DOCK5: variants seen among roughly 807,000 people sequenced by gnomAD.
DOCK5 encodes the protein dedicator of cytokinesis protein 5.
Under a neutral mutation model 251.8 loss-of-function variants are expected in DOCK5, and 142 were observed. That is an observed-to-expected ratio of 0.56 (90% CI 0.49 to 0.65). The LOEUF (loss-of-function observed/expected upper bound fraction) is 0.65, where lower values mean the gene tolerates loss of function less well. DOCK5 is among the 30% of genes least tolerant of loss of function. The probability of loss-of-function intolerance (pLI) is 0.00; values close to 1 mark genes in which losing one functional copy is unlikely to be tolerated. For missense variants in DOCK5, 2,111 were observed against 2,312.3 expected (o/e 0.91, Z 1.79); for synonymous variants, 842 against 835.5 (o/e 1.01, Z -0.13).
At chr8:25,203,571 T>A (rs1801930049) in intron 1 of DOCK5, among the ~76,000 whole-genome samples, 1 of 152,186 alleles carries the variant, frequency 6.6e-6, no homozygotes, top group Admixed American at 6.5e-5. Context: ...ATGACTTATT[T>A]CAAAAACAAA....
chr8:25,187,364 TTGTGTGTG>T (rs34685735), intron 1 of DOCK5, among the ~76,000 whole-genome samples: 117 of 136,610 alleles, frequency 8.6e-4, no homozygotes, highest in African/African-American at 2.8e-3. Context: ...TGGGTGGAAA[TTGTGTGTG>T]TGTGTGTGTG....
At chr8:25,335,560 CTAT>C (rs953755774) in intron 21 of DOCK5, among the ~76,000 whole-genome samples, 2 of 151,260 alleles carry the variant, frequency 1.3e-5, no homozygotes, top group African/African-American at 2.4e-5. Flanking sequence ...TTGTATATAA[CTAT>C]TATTATTATT....
At chr8:25,401,777 A>T (rs936025389) in intron 47 of DOCK5, among the ~76,000 whole-genome samples, 2 of 152,136 alleles carry the variant, frequency 1.3e-5, no homozygotes, top group Admixed American at 6.5e-5. Flanking sequence ...AAGTTTTCTG[A>T]ATCCTAGACA....
At chr8:25,302,206 C>T (rs1804784619) in intron 9 of DOCK5, 119 bp from the exon 10 acceptor site, 4 of 1,267,656 alleles carry the variant, frequency 3.2e-6, no homozygotes, top group Non-Finnish European at 4.1e-6. Context: ...CGTTCTAATA[C>T]TTCAGCATTG....
intron 15 of DOCK5, among the ~76,000 whole-genome samples, chr8:25,320,302 C>A (rs573027286): frequency 6.6e-6 from 1 of 152,304 alleles, no homozygotes; most frequent in South Asian, 2.1e-4. Context: ...TTTTTAATTG[C>A]ATTCATATAT....
At chr8:25,364,469 C>T (rs116213891) in intron 29 of DOCK5, among the ~76,000 whole-genome samples, 157 bp from the exon 30 acceptor site, 1,582 of 152,194 alleles carry the variant, frequency 0.01, 39 homozygotes, top group African/African-American at 0.036. Flanking sequence ...GCCCCATCTG[C>T]GGATGGTGTT....
rs534997845 is a variant in DOCK5, at chr8:25,260,427, G to A, written c.128-8418G>A. The stretch of plus-strand genomic sequence containing the variant: ...ACATAGCTCTTTTATGTGTGTACGT[G>A]GGGTAAAACTAATTTATCTTGTGAT... On this transcript the variant is annotated intron_variant, in intron 2 of 51. Coordinates refer to ENST00000276440, the MANE Select transcript of DOCK5 (RefSeq NM_024940.8). Among the ~76,000 whole-genome samples, 5 of 150,686 alleles carry A rather than the reference G, an allele frequency of 3.3e-5. No homozygotes were observed. In the South Asian group the frequency reaches 1.1e-3, roughly 32 times the overall value.
At chr8:25,408,986 G>A in intron 50 of DOCK5, 46 bp downstream of exon 50, 7 of 1,612,480 alleles carry the variant, frequency 4.3e-6, no homozygotes, top group Non-Finnish European at 5.9e-6. Flanking sequence ...AGGGAATGGA[G>A]TATGTTTATG....
At chr8:25,264,919 A>G (rs1803697657) in intron 2 of DOCK5, among the ~76,000 whole-genome samples, 1 of 151,972 alleles carries the variant, frequency 6.6e-6, no homozygotes, top group South Asian at 2.1e-4. Flanking sequence ...TAAAACTTGA[A>G]TTTCTCCATG....
intron 2 of DOCK5, among the ~76,000 whole-genome samples, chr8:25,254,812 A>ATAAAGGACTAT (rs2117570107): frequency 7.0e-6 from 1 of 143,262 alleles, no homozygotes; most frequent in East Asian, 2.1e-4. Flanking sequence ...AAAACATTTG[A>ATAAAGGACTAT]TAAAGGACTA....
rs1012501058 is a variant in DOCK5, at chr8:25,211,458, A to G, written c.43+26507A>G. Among the ~76,000 whole-genome samples the G allele has an allele frequency of 7.0e-5, 5 of 71,136 alleles. 1 individual carries two copies. Among genetic ancestry groups the G allele is most frequent in the African/African-American group, 1.3e-4 (4 of 31,294 alleles). The allele number at this position is 71,136 out of a possible 152,430, so 46.7% of individuals were successfully genotyped here. A position where few individuals can be genotyped will look rare whatever the true frequency, so the allele number is the denominator to read the frequency against. On this transcript the variant is annotated intron_variant, in intron 1 of 51. Coordinates refer to ENST00000276440, the MANE Select transcript of DOCK5 (RefSeq NM_024940.8). ...ACACCTAGTAAGTGCTCAATAAAAT[A>G]TGGGCAAGCATTTGACTTGCGTCTT...
chr8:25,254,188 C>T (rs772512194), intron 2 of DOCK5, among the ~76,000 whole-genome samples: 7 of 151,894 alleles, frequency 4.6e-5, no homozygotes, highest in Non-Finnish European at 7.4e-5. Flanking sequence ...AACCACATGC[C>T]GAAATAATAA....
chr8:25,374,102 C>G (rs796715129), intron 36 of DOCK5, among the ~76,000 whole-genome samples: 7 of 152,212 alleles, frequency 4.6e-5, no homozygotes, highest in African/African-American at 1.7e-4. Flanking sequence ...ACACCACTGC[C>G]TTAAAGAAAG....
Position 25,410,146 on chromosome 8 carries a change from C to A in DOCK5, c.5452C>A (p.Pro1818Thr). 2 of 1,613,670 alleles carry A rather than the reference C, an allele frequency of 1.2e-6. No individual in the cohort carries two copies. The change falls in exon 51 of 52, where the codon CCT (proline) becomes ACT (threonine). Residue 1818 changes from proline to threonine, a missense_variant. Coordinates refer to ENST00000276440, the MANE Select transcript of DOCK5 (RefSeq NM_024940.8). ...TDGIAATPVPPPPPPKSKPYE... is the reference protein window; with the variant it reads ...TDGIAATPVPTPPPPKSKPYE... Reference sequence around the variant, plus strand: ...TGGAATCGCGGCCACTCCTGTCCCACCTCCACCTCCCCCCAAAAGCAAGCC... The same window carrying A: ...TGGAATCGCGGCCACTCCTGTCCCAACTCCACCTCCCCCCAAAAGCAAGCC...
At chr8:25,393,996 G>A (rs575355828) in intron 44 of DOCK5, among the ~76,000 whole-genome samples, 42 of 152,282 alleles carry the variant, frequency 2.8e-4, no homozygotes, top group Non-Finnish European at 3.8e-4. Flanking sequence ...AGAAGCCAAG[G>A]TGGGAGGATC....
At chr8:25,299,815 T>C (rs1051133065) in intron 8 of DOCK5, among the ~76,000 whole-genome samples, 3 of 152,230 alleles carry the variant, frequency 2.0e-5, no homozygotes, top group African/African-American at 7.2e-5. Flanking sequence ...AATTTATTTT[T>C]GAGAAGATAG....
In DOCK5 at chr8:25,249,899, GC is replaced by G. The variant is rs138431157; in HGVS notation, c.127+6145del. Reference sequence around the variant, plus strand: ...TTATAGGCATGAGCCACTGCACCTGGCCCAACTTCATCTCTTTTCATTGCTG... The same window carrying G: ...TTATAGGCATGAGCCACTGCACCTGGCCAACTTCATCTCTTTTCATTGCTG... On this transcript the variant is annotated intron_variant, in intron 2 of 51. Transcript: ENST00000276440. 8.9e-3 allele frequency among the ~76,000 whole-genome samples: 1,350 copies of G among 152,332 alleles called. 22 individuals carry two copies. Among genetic ancestry groups the G allele is most frequent in the African/African-American group, 0.031 (1,290 of 41,574 alleles).
intron 26 of DOCK5, among the ~76,000 whole-genome samples, chr8:25,348,792 C>T (rs915751338): frequency 6.6e-6 from 1 of 150,574 alleles, no homozygotes. Context: ...GAGCCAAGAT[C>T]ACACCACTGC....
chr8:25,236,030 T>G (rs1802789497), intron 1 of DOCK5, among the ~76,000 whole-genome samples: 1 of 152,094 alleles, frequency 6.6e-6, no homozygotes, highest in African/African-American at 2.4e-5. Context: ...ACTCCTGGCC[T>G]CAAGTGAGCC....
Sources: allele counts gnomAD v4.1 joint callset (sites outside exome capture counted in the v4.1 genomes callset), GRCh38; gene constraint gnomAD v4.1.1; transcripts MANE v1.5; gene names NCBI Gene and HGNC (gene_info 2026-07-23, HGNC 2026-07-21).